NKD1: variants seen among roughly 807,000 people sequenced by gnomAD.
NKD1 encodes the protein protein naked cuticle homolog 1.
In NKD1, 21 loss-of-function variants were observed where a neutral mutation model predicts 56.0. The ratio of observed to expected loss-of-function variants is 0.38; its 90% CI spans 0.27 to 0.54. The LOEUF (loss-of-function observed/expected upper bound fraction) is 0.54. Ranked by LOEUF, NKD1 falls within the 20% of genes least tolerant of loss-of-function variation. NKD1 has a pLI of 0.82. For synonymous variants in NKD1, 263 were observed against 265.7 expected (o/e 0.99, Z 0.10); for missense variants, 578 against 642.7 (o/e 0.90, Z 1.09).
chr16:50,567,005 G>GCCC (rs34109432), intron 3 of NKD1, among the ~76,000 whole-genome samples: 5 of 147,484 alleles, frequency 3.4e-5, no homozygotes, highest in Admixed American at 6.8e-5. Context: ...AGTTTTTATG[G>GCCC]CCCCCCCCCT....
At chr16:50,565,186 T>C (rs552144322) in intron 3 of NKD1, among the ~76,000 whole-genome samples, 17 of 151,744 alleles carry the variant, frequency 1.1e-4, no homozygotes, top group Non-Finnish European at 2.1e-4. Flanking sequence ...CTATCCTGGC[T>C]AACATGGTGA....
intron 3 of NKD1, among the ~76,000 whole-genome samples, chr16:50,560,660 GC>G (rs1195077847): frequency 6.8e-6 from 1 of 147,500 alleles, no homozygotes; most frequent in African/African-American, 2.5e-5. Flanking sequence ...GTATGTCTCA[GC>G]CCCATTCATG....
chr16:50,562,991 C>CCCCCA (rs1960673325), intron 3 of NKD1, among the ~76,000 whole-genome samples: 1 of 125,516 alleles, frequency 8.0e-6, no homozygotes, highest in African/African-American at 3.4e-5. Context: ...CCACCACCCC[C>CCCCCA]CCCCCCCGCC....
intron 6 of NKD1, among the ~76,000 whole-genome samples, chr16:50,628,283 C>G (rs1287088069): frequency 6.6e-6 from 1 of 152,222 alleles, no homozygotes; most frequent in Non-Finnish European, 1.5e-5. Flanking sequence ...GACAAGTCAA[C>G]TGAGCTGAGC....
Position 50,639,388 on chromosome 16 carries a change from T to C in NKD1, c.*5607T>C, listed in dbSNP as rs564238105. 5.9e-5 allele frequency: 9 copies of C among 152,222 alleles called. No homozygotes were observed. The highest frequency in any genetic ancestry group is 2.6e-4 in the Admixed American group (4 of 15,282). 9.4% of individuals were successfully genotyped at this position (152,222 alleles called of 1,614,324 possible). ...GGATCAGTGTTTTTCACAAGCTCCATACCTCCAGGAAATGGTGTTGTGGTT... is the reference window on the plus strand; with the variant it reads ...GGATCAGTGTTTTTCACAAGCTCCACACCTCCAGGAAATGGTGTTGTGGTT... On this transcript the variant is annotated 3_prime_UTR_variant, in exon 10 of 10. Transcript: ENST00000268459.
At position 50,645,630 on chromosome 16, in the gene NKD1, G is replaced by T. The variant is rs185400688; in HGVS notation, c.*11849G>T. 1 of 152,318 alleles carries T rather than the reference G, an allele frequency of 6.6e-6. No homozygotes were observed. The highest frequency in any genetic ancestry group is 6.5e-5 in the Admixed American group (1 of 15,304). 9.4% of individuals were successfully genotyped at this position (152,318 alleles called of 1,614,324 possible). On this transcript the variant is annotated 3_prime_UTR_variant, in exon 10 of 10. Transcript: ENST00000268459. ...TCTAGCCACCACCACGCAGAGAAGG[G>T]ATTGGAAACAGTAGCCCGGAGAGGA...
chr16:50,608,249 G>T, intron 3 of NKD1, 45 bp from the exon 4 acceptor site: 2 of 1,378,338 alleles, frequency 1.5e-6, no homozygotes, highest in Non-Finnish European at 1.0e-6. Flanking sequence ...CCAGCACTGG[G>T]CTCCCCCAAC....
At chr16:50,628,163 A>G (rs1962265165) in intron 6 of NKD1, among the ~76,000 whole-genome samples, 1 of 152,172 alleles carries the variant, frequency 6.6e-6, no homozygotes, top group Admixed American at 6.5e-5. Flanking sequence ...TGGTCCCGCA[A>G]AGGGTTTTGT....
chr16:50,621,081 G>A (rs533460999), intron 4 of NKD1, among the ~76,000 whole-genome samples: 1 of 152,356 alleles, frequency 6.6e-6, no homozygotes, highest in South Asian at 2.1e-4. Context: ...GTATGTGGAC[G>A]GTGCATGTGT....
intron 1 of NKD1, 56 bp from the exon 2 acceptor site, chr16:50,548,661 C>T: frequency 6.8e-7 from 1 of 1,465,560 alleles, no homozygotes; most frequent in African/African-American, 1.5e-5. Flanking sequence ...TCCTTTCTTT[C>T]CTTCTCCCGC....
At chr16:50,562,989 C>A (rs56176219) in intron 3 of NKD1, among the ~76,000 whole-genome samples, 4,288 of 119,626 alleles carry the variant, frequency 0.036, 229 homozygotes, top group Non-Finnish European at 0.055. Flanking sequence ...CACCACCACC[C>A]CCCCCCCCCG....
chr16:50,611,140 C>T (rs1596741372), intron 4 of NKD1, among the ~76,000 whole-genome samples: 2 of 152,348 alleles, frequency 1.3e-5, no homozygotes, highest in Non-Finnish European at 1.5e-5. Context: ...CCTGCATGGC[C>T]TCCAGGAGTC....
At chr16:50,625,044 C>T (rs1962178425) in intron 5 of NKD1, among the ~76,000 whole-genome samples, 1 of 152,162 alleles carries the variant, frequency 6.6e-6, no homozygotes, top group Non-Finnish European at 1.5e-5. Flanking sequence ...TGTGGAGGGG[C>T]CTGCAGGGGC....
intron 3 of NKD1, among the ~76,000 whole-genome samples, chr16:50,560,539 C>T (rs1159096613): frequency 6.6e-6 from 1 of 152,014 alleles, no homozygotes; most frequent in Non-Finnish European, 1.5e-5. Context: ...CCCAAGGTCA[C>T]TTAACTTGGA....
intron 3 of NKD1, chr16:50,558,535 A>G (rs1185286598): frequency 6.6e-6 from 1 of 152,102 alleles, no homozygotes; most frequent in South Asian, 2.1e-4. Context: ...ATTGCCAGGA[A>G]GCTGTGCACA....
Position 50,633,469 on chromosome 16 carries a change from C to G in NKD1, c.1101C>G (p.Asn367Lys), listed in dbSNP as rs976371650. 12 of 1,608,934 alleles carry G rather than the reference C, an allele frequency of 7.5e-6. No homozygotes were observed. Among genetic ancestry groups the G allele is most frequent in the African/African-American group, 1.3e-5 (1 of 74,884 alleles). ...GVGHVARGAR[N>K]KPPLGPAIPA... Reference sequence around the variant, plus strand: ...GCCACGTGGCCAGAGGGGCAAGAAACAAGCCCCCTCTGGGACCCGCCATCC... The same window carrying G: ...GCCACGTGGCCAGAGGGGCAAGAAAGAAGCCCCCTCTGGGACCCGCCATCC... Residue 367 changes from asparagine to lysine, a missense_variant, in exon 10 of 10, where the codon AAC (asparagine) becomes AAG (lysine). Coordinates refer to ENST00000268459, the MANE Select transcript of NKD1 (RefSeq NM_033119.5). The surrounding 1 kb of genome is among the most constrained non-coding windows in gnomAD (Gnocchi z 4.9).
At chr16:50,566,162 C>T (rs748908232) in intron 3 of NKD1, 76 of 985,206 alleles carry the variant, frequency 7.7e-5, no homozygotes, top group Non-Finnish European at 8.7e-5. Context: ...TCTGTGGATC[C>T]GTTGGGACCT....
intron 3 of NKD1, chr16:50,556,290 C>T: frequency 6.6e-6 from 1 of 152,288 alleles, no homozygotes. Flanking sequence ...AGAACCTTTT[C>T]TAAACAAGCA....
rs1028097858 is a variant in NKD1, at chr16:50,641,906, G to A, written c.*8125G>A. On this transcript the variant is annotated 3_prime_UTR_variant, in exon 10 of 10. Transcript: ENST00000268459. ...AGGGTCCCAGGCTGTGTGAGACCCC[G>A]CCCAGCACTCCTTAAACAGCCAAGA... The A allele has an allele frequency of 2.0e-5, 3 of 152,186 alleles. No homozygotes were observed. Among genetic ancestry groups the A allele is most frequent in the Non-Finnish European group, 2.9e-5 (2 of 68,078 alleles). The allele number at this position is 152,186 out of a possible 1,614,324, so 9.4% of individuals were successfully genotyped here. A position where few individuals can be genotyped will look rare whatever the true frequency, so the allele number is the denominator to read the frequency against.
Sources: allele counts gnomAD v4.1 joint callset (sites outside exome capture counted in the v4.1 genomes callset), GRCh38; gene constraint gnomAD v4.1.1; non-coding constraint Gnocchi (gnomAD v3.1); transcripts MANE v1.5; gene names NCBI Gene and HGNC (gene_info 2026-07-23, HGNC 2026-07-21).